Variants in ENOX1 observed in about 807,000 individuals in gnomAD.
ENOX1 encodes ecto-NOX disulfide-thiol exchanger 1.
In ENOX1, 42 loss-of-function variants were observed where a neutral mutation model predicts 82.5. That is an observed-to-expected ratio of 0.51 (90% confidence interval 0.40 to 0.66). The LOEUF (loss-of-function observed/expected upper bound fraction) is 0.66, where lower values mean the gene tolerates loss of function less well. Ranked by LOEUF, ENOX1 falls within the 30% of genes least tolerant of loss-of-function variation. ENOX1 has a pLI of 0.00. For synonymous variants in ENOX1, 271 were observed against 282.2 expected (o/e 0.96, Z 0.40); for missense variants, 608 against 811.6 (o/e 0.75, Z 3.05).
At chr13:43,621,814 G>T (rs982974396) in intron 2 of ENOX1, among the ~76,000 whole-genome samples, 1 of 149,572 alleles carries the variant, frequency 6.7e-6, no homozygotes, top group Non-Finnish European at 1.5e-5. Context: ...GCAAGGCCAG[G>T]GAAGTCTTCT....
chr13:43,719,343 A>ACACACACACACACACACACC (rs1215069179), intron 1 of ENOX1, among the ~76,000 whole-genome samples: 2 of 148,916 alleles, frequency 1.3e-5, no homozygotes, highest in East Asian at 3.9e-4. Flanking sequence ...ACACACACAC[A>ACACACACACACACACACACC]CACACCAGCA....
chr13:43,292,530 T>A (rs922192083), intron 12 of ENOX1, among the ~76,000 whole-genome samples: 1 of 152,146 alleles, frequency 6.6e-6, no homozygotes, highest in Non-Finnish European at 1.5e-5. Flanking sequence ...CTGCATTTGC[T>A]CAGTTCTCTG....
chr13:43,713,807 C>T (rs1189620621), intron 1 of ENOX1, among the ~76,000 whole-genome samples: 3 of 151,644 alleles, frequency 2.0e-5, no homozygotes, highest in South Asian at 2.1e-4. Flanking sequence ...TCTCTCTTTT[C>T]TTCTTTATTA....
intron 12 of ENOX1, among the ~76,000 whole-genome samples, chr13:43,273,451 C>G (rs112093982): frequency 7.0e-4 from 106 of 152,298 alleles, no homozygotes; most frequent in Non-Finnish European, 1.3e-3. Context: ...TCATCCTTCC[C>G]CAGACATGCC....
chr13:43,351,445 C>T (rs891113385), intron 8 of ENOX1, among the ~76,000 whole-genome samples: 7 of 147,936 alleles, frequency 4.7e-5, no homozygotes, highest in East Asian at 2.0e-4. Context: ...TTTTATTATA[C>T]TTTAAGTTTT....
chr13:43,382,654 A>G (rs1358536261), intron 5 of ENOX1, among the ~76,000 whole-genome samples: 1 of 152,154 alleles, frequency 6.6e-6, no homozygotes, highest in Non-Finnish European at 1.5e-5. Flanking sequence ...GGAGGAAGAG[A>G]TAACAAAGGG....
chr13:43,770,724 G>A (rs374511986), intron 1 of ENOX1, among the ~76,000 whole-genome samples: 11 of 124,704 alleles, frequency 8.8e-5, no homozygotes, highest in African/African-American at 3.1e-4. Context: ...CACACACACA[G>A]ACTCAAGAGA....
intron 5 of ENOX1, among the ~76,000 whole-genome samples, chr13:43,378,062 A>G (rs79444735): frequency 0.016 from 2,394 of 152,322 alleles, 59 homozygotes; most frequent in African/African-American, 0.055. Flanking sequence ...GCAAGGAGAG[A>G]GTAACAGTGA....
chr13:43,381,215 C>T (rs1312977558), intron 5 of ENOX1, among the ~76,000 whole-genome samples: 2 of 151,412 alleles, frequency 1.3e-5, no homozygotes, highest in Middle Eastern at 3.2e-3. Flanking sequence ...TATTCTGAGA[C>T]CACAATAGTA....
intron 5 of ENOX1, among the ~76,000 whole-genome samples, chr13:43,408,895 GAATAA>G (rs915905525): frequency 6.6e-6 from 1 of 151,652 alleles, no homozygotes; most frequent in Admixed American, 6.6e-5. Flanking sequence ...TTTAGAAATG[GAATAA>G]AGAACTCATA....
At chr13:43,692,419 TAC>T (rs1247249303) in intron 1 of ENOX1, among the ~76,000 whole-genome samples, 1 of 152,160 alleles carries the variant, frequency 6.6e-6, no homozygotes, top group Non-Finnish European at 1.5e-5. Context: ...TAAGGATTGA[TAC>T]ATTTGATTGC....
chr13:43,576,225 T>A (rs2153714262), intron 2 of ENOX1, among the ~76,000 whole-genome samples: 1 of 152,254 alleles, frequency 6.6e-6, no homozygotes, highest in African/African-American at 2.4e-5. Context: ...ACAGAAGCTA[T>A]TAAAGGGTTT....
At chr13:43,587,681 G>C (rs1022856701) in intron 2 of ENOX1, among the ~76,000 whole-genome samples, 2 of 152,132 alleles carry the variant, frequency 1.3e-5, no homozygotes, top group African/African-American at 4.8e-5. Flanking sequence ...ATCTTGACTT[G>C]ATGTTCCACT....
chr13:43,674,495 C>G (rs2085411587), intron 1 of ENOX1, among the ~76,000 whole-genome samples: 1 of 152,112 alleles, frequency 6.6e-6, no homozygotes, highest in African/African-American at 2.4e-5. Flanking sequence ...AGGCCGCATA[C>G]TATACCATTC....
At chr13:43,227,230 T>TGA (rs1383221165) in intron 15 of ENOX1, among the ~76,000 whole-genome samples, 2 of 152,146 alleles carry the variant, frequency 1.3e-5, no homozygotes, top group East Asian at 3.9e-4. Flanking sequence ...AGTGCCTCTG[T>TGA]GAAGTTGGCA....
intron 14 of ENOX1, among the ~76,000 whole-genome samples, chr13:43,255,718 A>C (rs1246192761): frequency 6.6e-6 from 1 of 152,174 alleles, no homozygotes; most frequent in Non-Finnish European, 1.5e-5. Flanking sequence ...TTAAGTGAAG[A>C]AGTAAAAGAT....
intron 16 of ENOX1, among the ~76,000 whole-genome samples, chr13:43,222,382 C>T (rs61950457): frequency 6.8e-6 from 1 of 146,886 alleles, no homozygotes; most frequent in Non-Finnish European, 1.5e-5. Context: ...GATGATTTTA[C>T]ACACACACAC....
At chr13:43,515,379 A>T (rs2077521576) in intron 2 of ENOX1, among the ~76,000 whole-genome samples, 1 of 152,162 alleles carries the variant, frequency 6.6e-6, no homozygotes, top group South Asian at 2.1e-4. Context: ...AGTTACAGAA[A>T]GGCTAAGTCT....
intron 5 of ENOX1, among the ~76,000 whole-genome samples, chr13:43,402,269 G>A (rs116566726): frequency 0.013 from 2,031 of 152,284 alleles, 37 homozygotes; most frequent in African/African-American, 0.045. Context: ...AATCATGGAT[G>A]TCAAATAAGG....
Sources: allele counts gnomAD v4.1 joint callset (sites outside exome capture counted in the v4.1 genomes callset), GRCh38; gene constraint gnomAD v4.1.1; transcripts MANE v1.5; gene names NCBI Gene and HGNC (gene_info 2026-07-23, HGNC 2026-07-21).